Variants in ZFHX3 observed in about 807,000 individuals in gnomAD.
The protein encoded by ZFHX3 is zinc finger homeobox protein 3.
ZFHX3 carries 42 observed loss-of-function variants against 279.1 expected under a neutral mutation model. The observed-to-expected ratio is 0.15, with a 90% CI of 0.12 to 0.19. ZFHX3 has a LOEUF of 0.19. Among genes scored for constraint, ZFHX3 ranks in the 10% least tolerant of loss-of-function variants. The probability of loss-of-function intolerance (pLI) is 1.00; values close to 1 mark genes in which losing one functional copy is unlikely to be tolerated. For synonymous variants in ZFHX3, 2,293 were observed against 1,957.8 expected (o/e 1.17, Z -4.52); for missense variants, 4,981 against 4,754.0 (o/e 1.05, Z -1.40).
intron 3 of ZFHX3, among the ~76,000 whole-genome samples, chr16:72,937,885 AAAC>A (rs1325683204): frequency 2.6e-5 from 4 of 152,230 alleles, no homozygotes; most frequent in Non-Finnish European, 4.4e-5. Flanking sequence ...TCCACTTGTA[AAAC>A]AACACCTTTC....
intron 4 of ZFHX3, among the ~76,000 whole-genome samples, chr16:73,299,652 C>A (rs1314149064): frequency 2.6e-5 from 4 of 152,204 alleles, no homozygotes; most frequent in African/African-American, 9.7e-5. Flanking sequence ...CGTGCCCCAG[C>A]CCAGGAGGAG....
intron 8 of ZFHX3, among the ~76,000 whole-genome samples, chr16:73,068,365 C>T (rs1037219879): frequency 5.3e-5 from 8 of 152,106 alleles, no homozygotes; most frequent in East Asian, 1.9e-4. Flanking sequence ...AAAATATTCC[C>T]GGAAGGGTGC....
chr16:72,848,264 T>C (rs1450350651), intron 4 of ZFHX3, among the ~76,000 whole-genome samples: 1 of 152,022 alleles, frequency 6.6e-6, no homozygotes, highest in South Asian at 2.1e-4. Flanking sequence ...TCCTAAATCA[T>C]TAACCTTTCT....
intron 2 of ZFHX3, among the ~76,000 whole-genome samples, chr16:72,957,081 T>C (rs1961285438): frequency 6.6e-6 from 1 of 152,190 alleles, no homozygotes; most frequent in Non-Finnish European, 1.5e-5. Flanking sequence ...AAATATTCGA[T>C]GAAACCCCAA....
intron 4 of ZFHX3, among the ~76,000 whole-genome samples, chr16:73,301,713 G>A (rs561116676): frequency 6.6e-6 from 1 of 150,548 alleles, no homozygotes; most frequent in South Asian, 2.1e-4. Flanking sequence ...CAATGAGCCA[G>A]TCTTTCACCT....
intron 4 of ZFHX3, among the ~76,000 whole-genome samples, chr16:72,835,730 G>A (rs1467907578): frequency 3.9e-5 from 6 of 152,014 alleles, no homozygotes; most frequent in Non-Finnish European, 8.8e-5. Context: ...GATGTGCCTC[G>A]CTCTCGTTCC....
chr16:72,875,639 G>A (rs137997564), intron 4 of ZFHX3, among the ~76,000 whole-genome samples: 56 of 152,278 alleles, frequency 3.7e-4, no homozygotes, highest in African/African-American at 1.1e-3. Flanking sequence ...TACTGTAAAC[G>A]CTAATGCAGC....
chr16:73,713,109 G>A (rs1414326493), intron 1 of ZFHX3, among the ~76,000 whole-genome samples: 1 of 152,160 alleles, frequency 6.6e-6, no homozygotes, highest in Non-Finnish European at 1.5e-5. Flanking sequence ...GAGAGAGAGA[G>A]TGAAAAATAA....
At chr16:73,191,692 G>A (rs1414133802) in intron 5 of ZFHX3, among the ~76,000 whole-genome samples, 1 of 151,770 alleles carries the variant, frequency 6.6e-6, no homozygotes, top group Non-Finnish European at 1.5e-5. Flanking sequence ...TCTCACCCAC[G>A]GCTCTTTCAG....
At chr16:73,032,462 C>A (rs1964740061) in intron 1 of ZFHX3, among the ~76,000 whole-genome samples, 1 of 152,082 alleles carries the variant, frequency 6.6e-6, no homozygotes, top group South Asian at 2.1e-4. Flanking sequence ...CGACCACCTG[C>A]CCAGTGCTAA....
Position 73,218,068 on chromosome 16 carries a change from A to T in ZFHX3, c.-1104+38979T>A, listed in dbSNP as rs780421054. Among the ~76,000 whole-genome samples, 7 of 151,756 alleles carry T rather than the reference A, an allele frequency of 4.6e-5. No individual in the cohort carries two copies. In the South Asian group the frequency reaches 1.5e-3, roughly 32 times the overall value. ...TTGTCACTCCATCCTCTCCCTCCAAACCTAACGGGCCTTCAGTGATTCCAT... is the reference window on the plus strand; with the variant it reads ...TTGTCACTCCATCCTCTCCCTCCAATCCTAACGGGCCTTCAGTGATTCCAT... On this transcript the variant is annotated intron_variant, in intron 5 of 17. Transcript: ENST00000641206.
At chr16:73,349,871 CCTCCT>C (rs1488879389) in intron 3 of ZFHX3, among the ~76,000 whole-genome samples, 6 of 145,046 alleles carry the variant, frequency 4.1e-5, no homozygotes, top group Non-Finnish European at 7.6e-5. Flanking sequence ...CTTTCTTCCC[CCTCCT>C]CTCTTCTTTA....
chr16:73,419,506 G>GCCCCTGCTGC (rs2017672967), intron 3 of ZFHX3, among the ~76,000 whole-genome samples: 1 of 151,886 alleles, frequency 6.6e-6, no homozygotes, highest in South Asian at 2.1e-4. Flanking sequence ...CTTGGTGGTG[G>GCCCCTGCTGC]CCCCTGCTGC....
At chr16:73,875,270 G>A (rs1289841928) in intron 1 of ZFHX3, among the ~76,000 whole-genome samples, 1 of 152,064 alleles carries the variant, frequency 6.6e-6, no homozygotes, top group African/African-American at 2.4e-5. Flanking sequence ...CATGACACAT[G>A]CTGAATATAA....
chr16:73,615,910 A>T (rs1238576234), intron 2 of ZFHX3, among the ~76,000 whole-genome samples: 1 of 152,204 alleles, frequency 6.6e-6, no homozygotes, highest in East Asian at 1.9e-4. Context: ...ATGCTTTTTT[A>T]AACTAGCCGT....
chr16:73,136,387 T>G (rs1005767420), intron 6 of ZFHX3, among the ~76,000 whole-genome samples: 1 of 152,102 alleles, frequency 6.6e-6, no homozygotes, highest in African/African-American at 2.4e-5. Context: ...CATTCTAAAC[T>G]ATCTATTAGG....
chr16:73,575,385 CTTTG>C (rs2051789455), intron 2 of ZFHX3, among the ~76,000 whole-genome samples: 1 of 152,164 alleles, frequency 6.6e-6, no homozygotes, highest in Non-Finnish European at 1.5e-5. Flanking sequence ...ATGTTTTGTC[CTTTG>C]TTTGTTTCCT....
At chr16:73,425,841 A>G (rs1349502040) in intron 3 of ZFHX3, among the ~76,000 whole-genome samples, 1 of 152,072 alleles carries the variant, frequency 6.6e-6, no homozygotes, top group African/African-American at 2.4e-5. Context: ...TCAAACCACT[A>G]CCAGATTAAG....
intron 3 of ZFHX3, among the ~76,000 whole-genome samples, chr16:72,900,596 C>G (rs985384935): frequency 2.6e-5 from 4 of 152,212 alleles, no homozygotes; most frequent in South Asian, 4.1e-4. Context: ...CTGATGGGCA[C>G]GTACAGCCAG....
Sources: allele counts gnomAD v4.1 joint callset (sites outside exome capture counted in the v4.1 genomes callset), GRCh38; gene constraint gnomAD v4.1.1; transcripts MANE v1.5; gene names NCBI Gene and HGNC (gene_info 2026-07-23, HGNC 2026-07-21).